The following AGAP1 variants were observed in gnomAD, a reference collection of about 807,000 sequenced individuals.
The protein encoded by AGAP1 is arf-GAP with GTPase, ANK repeat and PH domain-containing protein 1.
AGAP1 carries 29 observed loss-of-function variants against 105.3 expected under a neutral mutation model. That is an observed-to-expected ratio of 0.28 (90% CI 0.21 to 0.38). AGAP1 has a LOEUF of 0.38. Ranked by LOEUF, AGAP1 falls within the 10% of genes least tolerant of loss-of-function variation. AGAP1 has a pLI of 1.00. For synonymous variants in AGAP1, 509 were observed against 485.9 expected, an observed-to-expected ratio of 1.05 and a Z score of -0.63; for missense variants, 998 against 1,165.1, an observed-to-expected ratio of 0.86 and a Z score of 2.09.
At position 235,540,023 on chromosome 2, in the gene AGAP1, T is replaced by C. The variant is rs561456958; in HGVS notation, c.163+45174T>C. On this transcript the variant is annotated intron_variant, in intron 1 of 17. Transcript: ENST00000304032. Reference sequence around the variant, plus strand: ...CCTCCCAGGGAACTGTCCCATGTCCTGCTCAGGAAGGTGGTGGGGAAGGGG... The same window carrying C: ...CCTCCCAGGGAACTGTCCCATGTCCCGCTCAGGAAGGTGGTGGGGAAGGGG... Among the ~76,000 whole-genome samples, 9 of 152,234 alleles carry C rather than the reference T, an allele frequency of 5.9e-5. No individual in the cohort carries two copies. In the South Asian group the frequency reaches 1.9e-3, roughly 32 times the overall value.
chr2:235,595,505 A>G (rs1316500267), intron 1 of AGAP1, among the ~76,000 whole-genome samples: 2 of 152,226 alleles, frequency 1.3e-5, no homozygotes, highest in African/African-American at 4.8e-5. Context: ...AGCACTTTCA[A>G]TTATGCTGTT....
chr2:236,106,182 A>G (rs1005240408), intron 16 of AGAP1, among the ~76,000 whole-genome samples: 2 of 152,248 alleles, frequency 1.3e-5, no homozygotes, highest in South Asian at 4.1e-4. Context: ...GCCAATTTCA[A>G]AGCACATACC....
chr2:235,924,786 T>A (rs1275090957), intron 11 of AGAP1, among the ~76,000 whole-genome samples: 1 of 152,168 alleles, frequency 6.6e-6, no homozygotes, highest in Non-Finnish European at 1.5e-5. Flanking sequence ...AGCAAGCCTG[T>A]CCAAAGTTTG....
chr2:235,521,742 A>ATGTG (rs59090836), intron 1 of AGAP1, among the ~76,000 whole-genome samples: 2,250 of 121,578 alleles, frequency 0.019, 29 homozygotes, highest in Middle Eastern at 0.032. Flanking sequence ...TGTTATATAT[A>ATGTG]TGTGTGTGTG....
rs552944838 is a variant in AGAP1, at chr2:236,019,657, G to A, written c.1646-16904G>A. ...GCACCTGGACGGGGCTTAGTACAGA[G>A]CCTGCAGCGCCCTTAGGCTTGAGTG... is the stretch of plus-strand genomic sequence containing the variant. On this transcript the variant is annotated intron_variant, in intron 13 of 17. Transcript: ENST00000304032. 5.9e-5 allele frequency among the ~76,000 whole-genome samples: 9 copies of A among 152,344 alleles called. No homozygotes were observed. The South Asian group carries it at 6.2e-4, about 11-fold the overall frequency.
At chr2:235,516,097 C>T (rs1942374665) in intron 1 of AGAP1, among the ~76,000 whole-genome samples, 1 of 91,922 alleles carries the variant, frequency 1.1e-5, no homozygotes. Flanking sequence ...TGCTGCTGGC[C>T]CGCCAGTTCC....
intron 10 of AGAP1, among the ~76,000 whole-genome samples, chr2:235,890,180 T>TTA (rs1553664849): frequency 6.6e-6 from 1 of 150,596 alleles, no homozygotes; most frequent in Non-Finnish European, 1.5e-5. Context: ...TTTTTTTTTT[T>TTA]AAGACAGTCT....
intron 9 of AGAP1, 69 bp downstream of exon 9, chr2:235,807,400 C>A: frequency 7.2e-7 from 1 of 1,394,338 alleles, no homozygotes; most frequent in Non-Finnish European, 9.8e-7. Flanking sequence ...GGAGATGATG[C>A]TGGCTCTCGC....
chr2:235,877,624 C>A lies in AGAP1; in HGVS notation c.1051-5721C>A, dbSNP rs377735589. Among the ~76,000 whole-genome samples, 1 of 152,272 alleles carries A rather than the reference C, an allele frequency of 6.6e-6. No homozygotes were observed. Among genetic ancestry groups the A allele is most frequent in the East Asian group, 1.9e-4 (1 of 5,186 alleles). On this transcript the variant is annotated intron_variant, in intron 9 of 17. Transcript: ENST00000304032. This position sits in a 1 kb window ranked among gnomAD's most constrained non-coding sequence, Gnocchi z 4.3. ...TCATGACCTAGGAAGTCGGAGATGC[C>A]AACTCGGGCAGTGGAATCCAGTGGT... is the stretch of plus-strand genomic sequence containing the variant.
chr2:236,124,171 G>A lies in AGAP1; in HGVS notation c.*49G>A, dbSNP rs755237519. 1.9e-5 allele frequency: 31 copies of A among 1,592,298 alleles called. No homozygotes were observed. In the Admixed American group the frequency reaches 3.2e-4, roughly 17 times the overall value. ...GCCGCACCTGGGACGCGGCAGCCTC[G>A]CCGCATTCTCGCTCAGAAGTCGCAG... On this transcript the variant is annotated 3_prime_UTR_variant, in exon 18 of 18. Transcript: ENST00000304032. This position sits in a 1 kb window ranked among gnomAD's most constrained non-coding sequence, Gnocchi z 5.1.
intron 1 of AGAP1, among the ~76,000 whole-genome samples, chr2:235,581,241 A>G (rs1317874305): frequency 1.3e-5 from 2 of 149,638 alleles, no homozygotes. Flanking sequence ...TGGGAGGCAG[A>G]GGTTACAGTG....
Position 235,737,736 on chromosome 2 carries a change from C to T in AGAP1, c.311-3227C>T, listed in dbSNP as rs1289785823. 6.6e-6 allele frequency among the ~76,000 whole-genome samples: 1 copy of T among 152,082 alleles called. No homozygotes were observed. The highest frequency in any genetic ancestry group is 1.5e-5 in the Non-Finnish European group (1 of 68,020). ...ACGAGAGCTGGGTGGTGACGCTCCC[C>T]AAGTTCCCACTCCTGGAGAGGTAGG... On this transcript the variant is annotated intron_variant, in intron 3 of 17. Transcript: ENST00000304032. This position sits in a 1 kb window ranked among gnomAD's most constrained non-coding sequence, Gnocchi z 4.5.
rs958117271 is a variant in AGAP1, at chr2:235,631,332, A to C, written c.164-77847A>C. On this transcript the variant is annotated intron_variant, in intron 1 of 17. Coordinates refer to ENST00000304032, the MANE Select transcript of AGAP1 (RefSeq NM_001037131.3). The surrounding 1 kb of genome is among the most constrained non-coding windows in gnomAD (Gnocchi z 5.4). Reference sequence around the variant, plus strand: ...TCAACTGAAAAGTCAAGCATGGCGCAAGGAAGGACGATGGATTAGCCAACC... The same window carrying C: ...TCAACTGAAAAGTCAAGCATGGCGCCAGGAAGGACGATGGATTAGCCAACC... 6.6e-6 allele frequency among the ~76,000 whole-genome samples: 1 copy of C among 152,184 alleles called. No homozygotes were observed. Among genetic ancestry groups the C allele is most frequent in the East Asian group, 1.9e-4 (1 of 5,168 alleles).
intron 1 of AGAP1, among the ~76,000 whole-genome samples, chr2:235,634,100 G>A (rs984211887): frequency 6.6e-6 from 1 of 152,202 alleles, no homozygotes; most frequent in Admixed American, 6.5e-5. Context: ...TGGGGGAAGC[G>A]GTAGCTGAGG....
At position 235,967,169 on chromosome 2, in the gene AGAP1, T is replaced by A. The variant is rs2054436285; in HGVS notation, c.1484-1293T>A. On this transcript the variant is annotated intron_variant, in intron 12 of 17. Coordinates refer to ENST00000304032, the MANE Select transcript of AGAP1 (RefSeq NM_001037131.3). This position sits in a 1 kb window ranked among gnomAD's most constrained non-coding sequence, Gnocchi z 4.7. The stretch of plus-strand genomic sequence containing the variant: ...CGGCCACCGCCACTCGGGCCCCCTC[T>A]CCGTTTCTGGAACACACCAGGCTCC... Among the ~76,000 whole-genome samples, 1 of 151,922 alleles carries A rather than the reference T, an allele frequency of 6.6e-6. No individual in the cohort carries two copies. Among genetic ancestry groups the A allele is most frequent in the African/African-American group, 2.4e-5 (1 of 41,334 alleles).
Position 235,845,777 on chromosome 2 carries a change from CTTTCTTCCT to C in AGAP1, c.1051-37567_1051-37559del, listed in dbSNP as rs1213933666. 1.3e-5 allele frequency among the ~76,000 whole-genome samples: 2 copies of C among 152,064 alleles called. No individual in the cohort carries two copies. Among genetic ancestry groups the C allele is most frequent in the Non-Finnish European group, 2.9e-5 (2 of 68,018 alleles). The stretch of plus-strand genomic sequence containing the variant: ...GAGATGGTCACCAAGTCCTTCTTCC[CTTTCTTCCT>C]GAGCATCTGTCCCGTCGTGCCCTCC... On this transcript the variant is annotated intron_variant, in intron 9 of 17. Transcript: ENST00000304032. The surrounding 1 kb of genome is among the most constrained non-coding windows in gnomAD (Gnocchi z 4.8).
At chr2:236,098,007 T>C (rs1271980957) in intron 16 of AGAP1, among the ~76,000 whole-genome samples, 2 of 152,238 alleles carry the variant, frequency 1.3e-5, no homozygotes, top group East Asian at 3.8e-4. Context: ...CCCTGAATAT[T>C]AGAATATGCA....
rs200628600 is a variant in AGAP1 at position 235,685,513 on chromosome 2, CT to C, written c.164-23665del. Reference sequence around the variant, plus strand: ...TGCCAGCAGAGGCTGTAATGCTCCCCTGGGACCTGACCAGTAGAGAACAAAT... The same window carrying C: ...TGCCAGCAGAGGCTGTAATGCTCCCCGGGACCTGACCAGTAGAGAACAAAT... On this transcript the variant is annotated intron_variant, in intron 1 of 17. Coordinates refer to ENST00000304032, the MANE Select transcript of AGAP1 (RefSeq NM_001037131.3). 3.6e-3 allele frequency among the ~76,000 whole-genome samples: 548 copies of C among 151,602 alleles called. 1 individual carries two copies. Among genetic ancestry groups the C allele is most frequent in the Admixed American group, 8.4e-3 (128 of 15,188 alleles).
At position 235,522,665 on chromosome 2, in the gene AGAP1, C is replaced by G. The variant is rs543120957; in HGVS notation, c.163+27816C>G. On this transcript the variant is annotated intron_variant, in intron 1 of 17. Coordinates refer to ENST00000304032, the MANE Select transcript of AGAP1 (RefSeq NM_001037131.3). ...GTGATGCCGATGAAGAGGCTGGCCA[C>G]AAGGCAGAGGGGAGGCTGAAAGTTG... is the stretch of plus-strand genomic sequence containing the variant. Among the ~76,000 whole-genome samples the G allele has an allele frequency of 2.5e-4, 38 of 152,194 alleles. No individual in the cohort carries two copies. In the South Asian group the frequency reaches 7.7e-3, roughly 31 times the overall value.
Sources: allele counts gnomAD v4.1 joint callset (sites outside exome capture counted in the v4.1 genomes callset), GRCh38; gene constraint gnomAD v4.1.1; non-coding constraint Gnocchi (gnomAD v3.1); transcripts MANE v1.5; gene names NCBI Gene and HGNC (gene_info 2026-07-23, HGNC 2026-07-21).